MICAL2: variants seen among roughly 807,000 people sequenced by gnomAD.
The protein encoded by MICAL2 is microtubule associated monooxygenase, calponin and LIM domain containing 2, also known as [F-actin]-monooxygenase MICAL2.
In MICAL2, 77 loss-of-function variants were observed where a neutral mutation model predicts 127.3. The observed-to-expected ratio is 0.60, with a 90% CI of 0.50 to 0.73. The LOEUF is 0.73. MICAL2 is among the 30% of genes least tolerant of loss of function. The probability of loss-of-function intolerance (pLI) is 0.00; values close to 1 mark genes in which losing one functional copy is unlikely to be tolerated. For missense variants in MICAL2, 1,351 were observed against 1,434.4 expected, an observed-to-expected ratio of 0.94 and a Z score of 0.94; for synonymous variants, 570 against 551.1, an observed-to-expected ratio of 1.03 and a Z score of -0.48.
At chr11:12,289,467 G>C (rs892079069), downstream of MICAL2, among the ~76,000 whole-genome samples, 16 of 152,136 alleles carry the variant, frequency 1.1e-4, no homozygotes, top group Non-Finnish European at 1.5e-4. Flanking sequence ...GACGCGGCTT[G>C]AGTGCGTGAG....
At chr11:12,213,442 A>C in intron 7 of MICAL2, 32 bp downstream of exon 7, 1 of 1,598,942 alleles carries the variant, frequency 6.3e-7, no homozygotes, top group Non-Finnish European at 8.5e-7. Context: ...CAACCAGGCC[A>C]AGGTCTAAAG....
intron 1 of MICAL2, chr11:12,276,326 G>A: frequency 2.5e-6 from 1 of 396,652 alleles, no homozygotes. Flanking sequence ...CATCTCAGAG[G>A]GAGTGGTAAG....
chr11:12,220,458 G>C lies in MICAL2; in HGVS notation c.1206G>C (p.Glu402Asp). ...CCCTTGTGGGTGACAGCTTGCTTGA[G>C]GTACTGCCTGAGCTCGGAGCCCCCA... ...LVALVGDSLLEPFWPMGTGCA... is the reference protein window; with the variant it reads ...LVALVGDSLLDPFWPMGTGCA... The change falls in exon 9 of 28, where the codon GAG becomes GAC. Residue 402 changes from glutamate (E) to aspartate (D), a missense_variant and splice_region_variant. Coordinates refer to ENST00000683283, the MANE Select transcript of MICAL2 (RefSeq NM_001282663.2). 1 of 1,607,030 alleles carries C rather than the reference G, an allele frequency of 6.2e-7. No homozygotes were observed. The highest frequency in any genetic ancestry group is 1.7e-5 in the Admixed American group (1 of 60,002).
At position 12,249,189 on chromosome 11, in the gene MICAL2, G is replaced by T. The variant is rs760026959; in HGVS notation, c.2790G>T (p.Lys930Asn). 16 of 1,613,760 alleles carry T rather than the reference G, an allele frequency of 9.9e-6. No individual in the cohort carries two copies. Among genetic ancestry groups the T allele is most frequent in the Non-Finnish European group, 3.4e-6 (4 of 1,179,822 alleles). ...VDSASPARKE[K>N]KSPSGFHFHP... Reference sequence around the variant, plus strand: ...TGATCCCTCTCTTTCTAAAGGAAAAGAAGTCACCTTCAGGGTTCCATTTTC... The same window carrying T: ...TGATCCCTCTCTTTCTAAAGGAAAATAAGTCACCTTCAGGGTTCCATTTTC... Residue 930 changes from lysine to asparagine, a missense_variant, in exon 22 of 28, where the codon AAG (lysine) becomes AAT (asparagine). This residue lies in a region of MICAL2 where 752 missense variants were observed against 719.4 expected (regional missense o/e 1.05). Transcript: ENST00000683283.
chr11:12,341,408 C>T (rs1938862025), intron 32 of MICAL2, among the ~76,000 whole-genome samples: 1 of 151,962 alleles, frequency 6.6e-6, no homozygotes, highest in African/African-American at 2.4e-5. Context: ...AAAACACACA[C>T]CAATACATAA....
Position 12,222,620 on chromosome 11 carries a change from A to C in MICAL2, c.1326A>C (p.Glu442Asp). 1 of 1,614,222 alleles carries C rather than the reference A, an allele frequency of 6.2e-7. No homozygotes were observed. Among genetic ancestry groups the C allele is most frequent in the Non-Finnish European group, 8.5e-7 (1 of 1,180,032 alleles). The change falls in exon 11 of 28, where the codon GAA becomes GAC. Residue 442 changes from glutamate to aspartate, a missense_variant. By Grantham distance (45) the Glu-to-Asp change is conservative. This residue lies in a region of MICAL2 where 599 missense variants were observed against 714.9 expected (regional missense o/e 0.84). Transcript: ENST00000683283. ...TCCAGGCTCCGCCTCCCTCCAGGGA[A>C]AGTCTCTACCGGCTGTTACCTCAGA... ...TPPLELLAER[E>D]SLYRLLPQTT...
downstream of MICAL2, chr11:12,287,444 T>G (rs1863839265): frequency 6.9e-6 from 2 of 288,690 alleles, no homozygotes; most frequent in South Asian, 3.3e-4. Context: ...AGACAGGGCC[T>G]TAGCCATCAT....
chr11:12,344,502 T>C (rs1938922162), intron 32 of MICAL2, among the ~76,000 whole-genome samples: 1 of 146,450 alleles, frequency 6.8e-6, no homozygotes, highest in Non-Finnish European at 1.5e-5. Flanking sequence ...ATTATTATTA[T>C]TATTATTATT....
chr11:12,262,197 T>C, intron 26 of MICAL2: 3 of 1,315,834 alleles, frequency 2.3e-6, no homozygotes, highest in East Asian at 3.3e-5. Flanking sequence ...TATTCAAGAA[T>C]GAATGGGAGA....
chr11:12,133,315 C>G (rs548944687), intron 1 of MICAL2, among the ~76,000 whole-genome samples: 13 of 152,292 alleles, frequency 8.5e-5, no homozygotes, highest in Admixed American at 7.8e-4. Flanking sequence ...CTCCTGACCT[C>G]AAGCGATCTG....
intron 29 of MICAL2, among the ~76,000 whole-genome samples, chr11:12,318,137 T>C (rs1864251285): frequency 6.6e-6 from 1 of 152,200 alleles, no homozygotes; most frequent in African/African-American, 2.4e-5. Context: ...GCACCGCTAA[T>C]ATACCGGCAT....
chr11:12,168,041 C>G (rs1855728240), intron 3 of MICAL2, among the ~76,000 whole-genome samples: 1 of 151,994 alleles, frequency 6.6e-6, no homozygotes, highest in African/African-American at 2.4e-5. Context: ...ATGGTTCACG[C>G]CTGTAACCCC....
chr11:12,128,474 A>G (rs1272118619), intron 1 of MICAL2, among the ~76,000 whole-genome samples: 1 of 152,246 alleles, frequency 6.6e-6, no homozygotes, highest in Non-Finnish European at 1.5e-5. Context: ...GGATTAATCC[A>G]TGAGTGTTCC....
intron 3 of MICAL2, among the ~76,000 whole-genome samples, chr11:12,183,647 C>G (rs530420199): frequency 1.3e-5 from 2 of 152,316 alleles, no homozygotes; most frequent in East Asian, 3.9e-4. Context: ...GCTGTGGACA[C>G]TGTTGACATA....
chr11:12,156,184 G>C (rs960364267), intron 2 of MICAL2, among the ~76,000 whole-genome samples: 2 of 152,194 alleles, frequency 1.3e-5, no homozygotes, highest in African/African-American at 4.8e-5. Context: ...GAAGGTCTGG[G>C]CCCTTGCTAC....
At chr11:12,251,860 C>T (rs968396966) in intron 22 of MICAL2, among the ~76,000 whole-genome samples, 1 of 152,170 alleles carries the variant, frequency 6.6e-6, no homozygotes, top group Non-Finnish European at 1.5e-5. Flanking sequence ...AAGCTCAGTG[C>T]ACAAAGTGCT....
At chr11:12,306,810 C>G (rs1864115568) in intron 29 of MICAL2, among the ~76,000 whole-genome samples, 1 of 152,066 alleles carries the variant, frequency 6.6e-6, no homozygotes, top group Non-Finnish European at 1.5e-5. Context: ...CTTTTTATTG[C>G]TAGTAGAATT....
At chr11:12,148,503 G>A (rs1170120276) in intron 2 of MICAL2, among the ~76,000 whole-genome samples, 1 of 152,160 alleles carries the variant, frequency 6.6e-6, no homozygotes, top group African/African-American at 2.4e-5. Context: ...GATCAGTGAG[G>A]AGGCCCATGG....
chr11:12,220,731 C>T (rs944177245), intron 9 of MICAL2, among the ~76,000 whole-genome samples: 2 of 152,222 alleles, frequency 1.3e-5, no homozygotes, highest in South Asian at 2.1e-4. Flanking sequence ...CAGGCAGCCC[C>T]GGTCTGGGCC....
Sources: gnomAD v4.1 joint callset for allele counts (sites outside exome capture counted in the v4.1 genomes callset) on GRCh38, gnomAD v4.1.1 for gene constraint, gnomAD v4.1.1 regional missense constraint, MANE v1.5 for transcripts, NCBI Gene and HGNC (gene_info 2026-07-23, HGNC 2026-07-21) for gene names.